The following IFFO1 variants were observed in gnomAD, a reference collection of about 807,000 sequenced individuals.
IFFO1 encodes intermediate filament family orphan 1, also known as non-homologous end joining factor IFFO1.
A neutral mutation model predicts 59.6 loss-of-function variants in IFFO1; 42 were observed. The observed-to-expected ratio is 0.70, with a 90% CI of 0.55 to 0.91. The LOEUF (loss-of-function observed/expected upper bound fraction) is 0.91. Ranked by LOEUF, IFFO1 falls within the 40% of genes least tolerant of loss-of-function variation. The pLI is 0.00. For missense variants in IFFO1, 711 were observed against 793.2 expected (o/e 0.90, Z 1.24); for synonymous variants, 336 against 342.8 (o/e 0.98, Z 0.22).
rs542587824 is a variant in IFFO1, at chr12:6,550,773, A to C, written c.852T>G (p.Asp284Glu). ...TCAGTGCCAGCTCCTCCTGGCAGGC[A>C]TCAGCCTCCTGGGCTTCCTGCAGTT... ...NELQEEAQEA[D>E]ACQEELALKV... is the part of the protein sequence containing the mutation. The change falls in exon 3 of 10, where the codon GAT (aspartate) becomes GAG (glutamate). Residue 284 changes from aspartate (D) to glutamate (E), a missense_variant. Physicochemically the swap from Asp to Glu is conservative, Grantham distance 45. Around this residue, in one of 3 missense-constraint regions of IFFO1, gnomAD observed 579 missense variants for 650.3 expected, o/e 0.89. Transcript: ENST00000619571. 6.2e-6 allele frequency: 10 copies of C among 1,614,144 alleles called. No individual in the cohort carries two copies. The South Asian group carries it at 1.1e-4, about 18-fold the overall frequency.
At position 6,547,253 on chromosome 12, in the gene IFFO1, A is replaced by C. The variant is rs373055994; in HGVS notation, c.1479+812T>G. Reference sequence around the variant, plus strand: ...AGTGACACCCTGTTCTCTGTAAAAAAAATCAAAAAATTAGCCGGGCGTGGT... The same window carrying C: ...AGTGACACCCTGTTCTCTGTAAAAACAATCAAAAAATTAGCCGGGCGTGGT... On this transcript the variant is annotated intron_variant, in intron 8 of 9. Coordinates refer to ENST00000619571, the MANE Select transcript of IFFO1 (RefSeq NM_001193457.2). Among the ~76,000 whole-genome samples, 5 of 152,276 alleles carry C rather than the reference A, an allele frequency of 3.3e-5. No individual in the cohort carries two copies. In the East Asian group the frequency reaches 9.7e-4, roughly 29 times the overall value.
In IFFO1 at chr12:6,545,218, A is replaced by AAAAT. The variant is rs535558141; in HGVS notation, c.1479+2843_1479+2846dup. Among the ~76,000 whole-genome samples the AAAAT allele has an allele frequency of 3.2e-3, 494 of 152,132 alleles. 3 individuals carry two copies. The highest frequency in any genetic ancestry group is 0.014 in the Middle Eastern group (4 of 292). On this transcript the variant is annotated intron_variant, in intron 8 of 9. Coordinates refer to ENST00000619571, the MANE Select transcript of IFFO1 (RefSeq NM_001193457.2). The stretch of plus-strand genomic sequence containing the variant: ...CGACACAGCGAGACTACGTCTCAAA[A>AAAAT]AAATAAATAAATAAATAAATAAATG...
intron 2 of IFFO1, 25 bp downstream of exon 2, chr12:6,550,916 G>A (rs1036877925): frequency 8.7e-6 from 14 of 1,613,454 alleles, no homozygotes; most frequent in Non-Finnish European, 1.2e-5. Flanking sequence ...GGAAGCACCA[G>A]CAGCAAGTGG....
In IFFO1 at chr12:6,541,777, A is replaced by G; in HGVS notation, c.1480-135T>C. On this transcript the variant is annotated intron_variant, in intron 8 of 9. Transcript: ENST00000619571. This position sits in a 1 kb window ranked among gnomAD's most constrained non-coding sequence, Gnocchi z 4.8. Reference sequence around the variant, plus strand: ...CAGGCAGCCATTACTGAAGGCTCAGATTTTAAAATAAACCAGACCAAGGCA... The same window carrying G: ...CAGGCAGCCATTACTGAAGGCTCAGGTTTTAAAATAAACCAGACCAAGGCA... The G allele has an allele frequency of 9.7e-7, 1 of 1,029,272 alleles. No individual in the cohort carries two copies. The highest frequency in any genetic ancestry group is 1.4e-6 in the Non-Finnish European group (1 of 696,932). 63.8% of individuals were successfully genotyped at this position (1,029,272 alleles called of 1,614,324 possible).
At position 6,555,517 on chromosome 12, in the gene IFFO1, C is replaced by T. The variant is rs1424368800; in HGVS notation, c.513G>A (p.Ala171=). ...RSPAGPLAPS[A]ASLSSSSTST... is the part of the protein sequence containing the mutation. ...AGGTGGAGGACGACGAGAGGCTGGC[C>T]GCGGAGGGCGCGAGGGGGCCGGCCG... is the stretch of plus-strand genomic sequence containing the variant. Residue 171 remains alanine, a synonymous_variant, in exon 1 of 10, where the codon GCG becomes GCA. Transcript: ENST00000619571. The surrounding 1 kb of genome is among the most constrained non-coding windows in gnomAD (Gnocchi z 8.6). 2 of 1,574,506 alleles carry T rather than the reference C, an allele frequency of 1.3e-6. No individual in the cohort carries two copies. Among genetic ancestry groups the T allele is most frequent in the African/African-American group, 1.4e-5 (1 of 72,978 alleles).
intron 1 of IFFO1, among the ~76,000 whole-genome samples, chr12:6,553,481 C>T (rs114929816): frequency 0.012 from 1,890 of 152,188 alleles, 35 homozygotes; most frequent in African/African-American, 0.041. Context: ...TTCAGGACAA[C>T]TGAAACTCCC....
chr12:6,549,611 A>AC lies in IFFO1; in HGVS notation c.1072-128dup. Reference sequence around the variant, plus strand: ...GATGCCCCTCCTGATGCTGCTCCTTACCCCCCAGTCTAGCCCCGTGAGGGC... The same window carrying AC: ...GATGCCCCTCCTGATGCTGCTCCTTACCCCCCCAGTCTAGCCCCGTGAGGGC... On this transcript the variant is annotated intron_variant, in intron 4 of 9. Transcript: ENST00000619571. This position sits in a 1 kb window ranked among gnomAD's most constrained non-coding sequence, Gnocchi z 5.0. 1 of 1,348,934 alleles carries AC rather than the reference A, an allele frequency of 7.4e-7. No individual in the cohort carries two copies. Among genetic ancestry groups the AC allele is most frequent in the Non-Finnish European group, 1.0e-6 (1 of 953,928 alleles). The allele number at this position is 1,348,934 out of a possible 1,614,324, so 83.6% of individuals were successfully genotyped here. A position where few individuals can be genotyped will look rare whatever the true frequency, so the allele number is the denominator to read the frequency against.
rs1385315285 is a variant in IFFO1 at position 6,549,856 on chromosome 12, A to G, written c.971T>C (p.Met324Thr). Residue 324 changes from methionine (M) to threonine (T), a missense_variant, in exon 4 of 10, where the codon ATG becomes ACG. By Grantham distance (81) the Met-to-Thr change is moderately conservative. Around this residue, in one of 3 missense-constraint regions of IFFO1, gnomAD observed 579 missense variants for 650.3 expected, o/e 0.89. Coordinates refer to ENST00000619571, the MANE Select transcript of IFFO1 (RefSeq NM_001193457.2). This position sits in a 1 kb window ranked among gnomAD's most constrained non-coding sequence, Gnocchi z 5.0. ...GCGGCAGATGTCCATATCCACCTTC[A>G]TGGCTTTCTCCTGGATCTTGGTGTC... ...ELDTKIQEKA[M>T]KVDMDICRRI... is the part of the protein sequence containing the mutation. The G allele has an allele frequency of 1.2e-6, 2 of 1,613,964 alleles. No individual in the cohort carries two copies. Among genetic ancestry groups the G allele is most frequent in the East Asian group, 2.2e-5 (1 of 44,896 alleles).
intron 1 of IFFO1, among the ~76,000 whole-genome samples, chr12:6,553,254 G>A (rs890569561): frequency 7.2e-5 from 11 of 152,188 alleles, no homozygotes; most frequent in Admixed American, 6.5e-5. Context: ...GCTGCAGAGC[G>A]ATGAGCTAAT....
chr12:6,539,165 GTACA>G (rs1270320331), downstream of IFFO1: 6 of 152,238 alleles, frequency 3.9e-5, no homozygotes, highest in Non-Finnish European at 8.8e-5. Flanking sequence ...GGAGACAAAA[GTACA>G]TACCTCGGTA....
intron 8 of IFFO1, among the ~76,000 whole-genome samples, chr12:6,544,488 T>C (rs2136104097): frequency 6.6e-6 from 1 of 152,326 alleles, no homozygotes; most frequent in African/African-American, 2.4e-5. Context: ...TTAAAAGGCA[T>C]GATTCCATTT....
chr12:6,555,440 C>G lies in IFFO1; in HGVS notation c.590G>C (p.Trp197Ser), dbSNP rs758811606. The G allele has an allele frequency of 6.2e-7, 1 of 1,613,854 alleles. No individual in the cohort carries two copies. Among genetic ancestry groups the G allele is most frequent in the Non-Finnish European group, 8.5e-7 (1 of 1,179,908 alleles). The change falls in exon 1 of 10, where the codon TGG (tryptophan) becomes TCG (serine). Residue 197 changes from tryptophan to serine, a missense_variant. By Grantham distance (177) the Trp-to-Ser change is radical. Coordinates refer to ENST00000619571, the MANE Select transcript of IFFO1 (RefSeq NM_001193457.2). This position sits in a 1 kb window ranked among gnomAD's most constrained non-coding sequence, Gnocchi z 8.6. ...GAGCCGGCGGGCGTGCGAGAACGAC[C>G]AGATGGTGCCGGGCATGAAGCGGGC... ...SSARFMPGTI[W>S]SFSHARRLGP...
chr12:6,554,597 C>G (rs1457310583), intron 1 of IFFO1, among the ~76,000 whole-genome samples: 2 of 152,150 alleles, frequency 1.3e-5, no homozygotes, highest in South Asian at 2.1e-4. Context: ...TGGCTCTCCA[C>G]TCTCCCTCCC....
rs1947144332 is a variant in IFFO1, at chr12:6,549,616, C to T, written c.1072-132G>A. 4 of 1,354,336 alleles carry T rather than the reference C, an allele frequency of 3.0e-6. No individual in the cohort carries two copies. The highest frequency in any genetic ancestry group is 2.9e-5 in the African/African-American group (2 of 69,384). The allele number at this position is 1,354,336 out of a possible 1,614,324, so 83.9% of individuals were successfully genotyped here. On this transcript the variant is annotated intron_variant, in intron 4 of 9. Coordinates refer to ENST00000619571, the MANE Select transcript of IFFO1 (RefSeq NM_001193457.2). The surrounding 1 kb of genome is among the most constrained non-coding windows in gnomAD (Gnocchi z 5.0). ...CCCTCCTGATGCTGCTCCTTACCCCCCAGTCTAGCCCCGTGAGGGCCCCAG... is the reference window on the plus strand; with the variant it reads ...CCCTCCTGATGCTGCTCCTTACCCCTCAGTCTAGCCCCGTGAGGGCCCCAG...
rs1946703813 is a variant in IFFO1 at position 6,541,419 on chromosome 12, C to T, written c.1610+93G>A. 1.3e-6 allele frequency: 2 copies of T among 1,505,146 alleles called. No individual in the cohort carries two copies. Among genetic ancestry groups the T allele is most frequent in the Admixed American group, 1.7e-5 (1 of 57,446 alleles). 93.2% of individuals were successfully genotyped at this position (1,505,146 alleles called of 1,614,324 possible). On this transcript the variant is annotated intron_variant, in intron 9 of 9. Coordinates refer to ENST00000619571, the MANE Select transcript of IFFO1 (RefSeq NM_001193457.2). This position sits in a 1 kb window ranked among gnomAD's most constrained non-coding sequence, Gnocchi z 4.8. Reference sequence around the variant, plus strand: ...GGGCAGCCCCACAGCAAGATGTGACCCAGTCATTGCCTGAGGGTCTCTGGG... The same window carrying T: ...GGGCAGCCCCACAGCAAGATGTGACTCAGTCATTGCCTGAGGGTCTCTGGG...
Position 6,540,414 on chromosome 12 carries a change from G to T in IFFO1, c.*69C>A. ...AGCTGCAGCTGATGTTCCCCTCTGT[G>T]CAGCCCCACCCTCTGCCTCGCTGAG... On this transcript the variant is annotated 3_prime_UTR_variant, in exon 10 of 10. Coordinates refer to ENST00000619571, the MANE Select transcript of IFFO1 (RefSeq NM_001193457.2). 7.9e-7 allele frequency: 1 copy of T among 1,259,686 alleles called. No homozygotes were observed. Among genetic ancestry groups the T allele is most frequent in the Non-Finnish European group, 1.2e-6 (1 of 858,346 alleles). The allele number at this position is 1,259,686 out of a possible 1,614,324, so 78.0% of individuals were successfully genotyped here. A position where few individuals can be genotyped will look rare whatever the true frequency, so the allele number is the denominator to read the frequency against.
In IFFO1 at chr12:6,541,441, T is replaced by G. The variant is rs897889793; in HGVS notation, c.1610+71A>C. 6.3e-7 allele frequency: 1 copy of G among 1,584,402 alleles called. No individual in the cohort carries two copies. The highest frequency in any genetic ancestry group is 8.6e-7 in the Non-Finnish European group (1 of 1,165,526). ...GACCCAGTCATTGCCTGAGGGTCTCTGGGGCTGTGTTCCAACCTTTCTCCC... is the reference window on the plus strand; with the variant it reads ...GACCCAGTCATTGCCTGAGGGTCTCGGGGGCTGTGTTCCAACCTTTCTCCC... On this transcript the variant is annotated intron_variant, in intron 9 of 9. Transcript: ENST00000619571. The surrounding 1 kb of genome is among the most constrained non-coding windows in gnomAD (Gnocchi z 4.8).
chr12:6,546,936 AC>A (rs1946993932), intron 8 of IFFO1, among the ~76,000 whole-genome samples: 1 of 152,208 alleles, frequency 6.6e-6, no homozygotes, highest in Admixed American at 6.5e-5. Flanking sequence ...AGTGGAAGAA[AC>A]AGGAAAGTCC....
chr12:6,542,371 G>A (rs563347990), intron 8 of IFFO1, among the ~76,000 whole-genome samples: 252 of 152,276 alleles, frequency 1.7e-3, no homozygotes, highest in Middle Eastern at 3.4e-3. Flanking sequence ...ACACTCTGAG[G>A]CAGGCGGAGA....
Sources: allele counts gnomAD v4.1 joint callset (sites outside exome capture counted in the v4.1 genomes callset), GRCh38; gene constraint gnomAD v4.1.1; regional missense constraint gnomAD v4.1.1; non-coding constraint Gnocchi (gnomAD v3.1); transcripts MANE v1.5; gene names NCBI Gene and HGNC (gene_info 2026-07-23, HGNC 2026-07-21).